Variants in GPA33 observed in about 807,000 individuals in gnomAD.
GPA33 encodes the protein cell surface A33 antigen.
In GPA33, 27 loss-of-function variants were observed where a neutral mutation model predicts 35.6. The ratio of observed to expected loss-of-function variants is 0.76; its 90% confidence interval spans 0.56 to 1.04. The LOEUF is 1.04. Among genes scored for constraint, GPA33 ranks in the 50% least tolerant of loss-of-function variants. The probability of loss-of-function intolerance (pLI) is 0.00; values close to 1 mark genes in which losing one functional copy is unlikely to be tolerated. For synonymous variants in GPA33, 176 were observed against 164.0 expected (o/e 1.07, Z -0.56); for missense variants, 428 against 411.9 (o/e 1.04, Z -0.34).
At chr1:167,082,273 T>A (rs1666965143) in intron 1 of GPA33, 1 of 456,158 alleles carries the variant, frequency 2.2e-6, no homozygotes, top group African/African-American at 2.0e-5. Flanking sequence ...TGGGGCAATC[T>A]GAGATTTCTT....
intron 4 of GPA33, among the ~76,000 whole-genome samples, chr1:167,058,097 G>A (rs899853412): frequency 6.6e-6 from 1 of 152,186 alleles, no homozygotes; most frequent in Admixed American, 6.6e-5. Flanking sequence ...TACTTGGGAG[G>A]CTGAGGCAAA....
At chr1:167,088,385 A>G (rs1667095160) in intron 1 of GPA33, among the ~76,000 whole-genome samples, 1 of 152,166 alleles carries the variant, frequency 6.6e-6, no homozygotes, top group African/African-American at 2.4e-5. Flanking sequence ...AACTCTGTTT[A>G]TATACCTCAA....
rs966589715 is a variant in GPA33 at position 167,055,602 on chromosome 1, T to C, written c.691+128A>G. The stretch of plus-strand genomic sequence containing the variant: ...GTCATCCTGCCTAGGTCACCACAGC[T>C]AACCTGCAGGTGCGTGGCCCTAGAG... On this transcript the variant is annotated intron_variant, in intron 5 of 6. Coordinates refer to ENST00000367868, the MANE Select transcript of GPA33 (RefSeq NM_005814.3). 11 of 1,006,704 alleles carry C rather than the reference T, an allele frequency of 1.1e-5. No individual in the cohort carries two copies. In the African/African-American group the frequency reaches 1.7e-4, roughly 16 times the overall value. The allele number at this position is 1,006,704 out of a possible 1,614,324, so 62.4% of individuals were successfully genotyped here. A position where few individuals can be genotyped will look rare whatever the true frequency, so the allele number is the denominator to read the frequency against.
Position 167,054,061 on chromosome 1 carries a change from GGC to G in GPA33, c.*271_*272del. The G allele has an allele frequency of 2.2e-6, 1 of 459,218 alleles. No individual in the cohort carries two copies. The highest frequency in any genetic ancestry group is 2.0e-5 in the African/African-American group (1 of 50,460). The allele number at this position is 459,218 out of a possible 1,614,324, so 28.4% of individuals were successfully genotyped here. A position where few individuals can be genotyped will look rare whatever the true frequency, so the allele number is the denominator to read the frequency against. ...TCCTGCCAACTACGAGGGAAGTGGA[GGC>G]TGCAGCCTGGTCTTGAGTGAGGGCC... On this transcript the variant is annotated 3_prime_UTR_variant, in exon 7 of 7. Transcript: ENST00000367868.
At chr1:167,079,311 G>A (rs950481027) in intron 1 of GPA33, among the ~76,000 whole-genome samples, 4 of 151,980 alleles carry the variant, frequency 2.6e-5, no homozygotes, top group Non-Finnish European at 5.9e-5. Context: ...TGAGTAACAA[G>A]GTGAAACCCT....
At chr1:167,080,810 T>A (rs542529399) in intron 1 of GPA33, among the ~76,000 whole-genome samples, 18 of 152,236 alleles carry the variant, frequency 1.2e-4, no homozygotes, top group Non-Finnish European at 2.4e-4. Context: ...TCCCTAGAGC[T>A]CGGCAAAGTG....
chr1:167,069,173 C>A, intron 2 of GPA33, 35 bp from the exon 3 acceptor site: 1 of 1,478,514 alleles, frequency 6.8e-7, no homozygotes, highest in Non-Finnish European at 9.4e-7. Flanking sequence ...GGTCTTCACC[C>A]AAAGGCCCTT....
chr1:167,076,748 T>C (rs1407148264), intron 1 of GPA33, among the ~76,000 whole-genome samples: 1 of 152,202 alleles, frequency 6.6e-6, no homozygotes, highest in Non-Finnish European at 1.5e-5. Context: ...GGCATTTGCA[T>C]ATTTTCCTCA....
Position 167,053,998 on chromosome 1 carries a change from T to G in GPA33, c.*336A>C. On this transcript the variant is annotated 3_prime_UTR_variant, in exon 7 of 7. Coordinates refer to ENST00000367868, the MANE Select transcript of GPA33 (RefSeq NM_005814.3). ...CATCGCCTCCCTGGAGAGTTCTGAG[T>G]GGGAGCGCCCCATGCTCAGCGCTGT... The G allele has an allele frequency of 3.3e-6, 1 of 306,168 alleles. No homozygotes were observed. The highest frequency in any genetic ancestry group is 6.1e-6 in the Non-Finnish European group (1 of 162,848). The allele number at this position is 306,168 out of a possible 1,614,324, so 19.0% of individuals were successfully genotyped here. A position where few individuals can be genotyped will look rare whatever the true frequency, so the allele number is the denominator to read the frequency against.
intron 4 of GPA33, among the ~76,000 whole-genome samples, chr1:167,056,577 C>T (rs1421378102): frequency 0.028 from 48 of 1,718 alleles, no homozygotes; most frequent in Non-Finnish European, 0.056. Context: ...GTGTGTGTGG[C>T]ATATGTGTGG....
intron 1 of GPA33, among the ~76,000 whole-genome samples, chr1:167,074,793 G>T (rs1666788328): frequency 2.0e-5 from 3 of 150,788 alleles, no homozygotes; most frequent in Admixed American, 2.0e-4. Context: ...GGGGGTGGGG[G>T]TGGTCTCAGA....
intron 4 of GPA33, among the ~76,000 whole-genome samples, chr1:167,060,892 C>G (rs921584395): frequency 5.9e-5 from 9 of 152,344 alleles, no homozygotes; most frequent in African/African-American, 2.2e-4. Context: ...CCACACCAGA[C>G]AGTCATGATT....
rs1420485572 is a variant in GPA33 at position 167,054,370 on chromosome 1, G to T, written c.924C>A (p.Ser308Arg). 6.2e-7 allele frequency: 1 copy of T among 1,614,114 alleles called. No individual in the cohort carries two copies. The highest frequency in any genetic ancestry group is 1.1e-5 in the South Asian group (1 of 91,088). ...EDDYRQEEQR[S>R]TGRESPDHLD... Reference sequence around the variant, plus strand: ...GGTGGTCCGGGGATTCACGCCCAGTGCTCCTCTGCTCTTCTTGCCTGTAGT... The same window carrying T: ...GGTGGTCCGGGGATTCACGCCCAGTTCTCCTCTGCTCTTCTTGCCTGTAGT... Residue 308 changes from serine (S) to arginine (R), a missense_variant, in exon 7 of 7, where the codon AGC becomes AGA. Ser to Arg is a moderately radical substitution (Grantham distance 110). Coordinates refer to ENST00000367868, the MANE Select transcript of GPA33 (RefSeq NM_005814.3).
Position 167,073,551 on chromosome 1 carries a change from G to C in GPA33, c.44-12C>G. 3 of 1,612,082 alleles carry C rather than the reference G, an allele frequency of 1.9e-6. No individual in the cohort carries two copies. The highest frequency in any genetic ancestry group is 2.5e-6 in the Non-Finnish European group (3 of 1,178,796). ...GACGGTCACCCTGACTGGAAAGAAA[G>C]TAGGCAGTGGAAGGGAAAAGTAAGC... On this transcript the variant is annotated splice_polypyrimidine_tract_variant and intron_variant, in intron 1 of 6. Transcript: ENST00000367868.
At chr1:167,083,454 C>G (rs1051172254) in intron 1 of GPA33, among the ~76,000 whole-genome samples, 46 of 152,230 alleles carry the variant, frequency 3.0e-4, no homozygotes, top group African/African-American at 1.1e-3. Flanking sequence ...TCACTAACAC[C>G]TATCCAGCAA....
At chr1:167,074,775 A>G (rs1417474862) in intron 1 of GPA33, among the ~76,000 whole-genome samples, 2 of 151,496 alleles carry the variant, frequency 1.3e-5, no homozygotes, top group Non-Finnish European at 2.9e-5. Flanking sequence ...ATGAAATGGA[A>G]AAGTTGTGGG....
intron 1 of GPA33, among the ~76,000 whole-genome samples, chr1:167,087,064 G>A (rs1418874561): frequency 6.6e-6 from 1 of 152,054 alleles, no homozygotes; most frequent in Non-Finnish European, 1.5e-5. Flanking sequence ...AAAAAATCCT[G>A]GAATGGAAGT....
rs1378846841 is a variant in GPA33 at position 167,057,996 on chromosome 1, C to CACTT, written c.572-2148_572-2147insAAGT. Among the ~76,000 whole-genome samples the CACTT allele has an allele frequency of 3.9e-5, 6 of 152,262 alleles. No individual in the cohort carries two copies. In the East Asian group the frequency reaches 1.2e-3, roughly 29 times the overall value. On this transcript the variant is annotated intron_variant, in intron 4 of 6. Transcript: ENST00000367868. ...GGCAGATCACTTGAGGTCAGGAGTTCGAGACCAGCCTGACTAACACAGTGA... is the reference window on the plus strand; with the variant it reads ...GGCAGATCACTTGAGGTCAGGAGTTCACTTGAGACCAGCCTGACTAACACAGTGA...
intron 3 of GPA33, among the ~76,000 whole-genome samples, chr1:167,063,968 G>A (rs1381997871): frequency 2.0e-5 from 3 of 152,164 alleles, no homozygotes; most frequent in East Asian, 1.9e-4. Context: ...GAAGCATTGC[G>A]GGCCTGCAGT....
Sources: gnomAD v4.1 joint callset for allele counts (sites outside exome capture counted in the v4.1 genomes callset) on GRCh38, gnomAD v4.1.1 for gene constraint, MANE v1.5 for transcripts, NCBI Gene and HGNC (gene_info 2026-07-23, HGNC 2026-07-21) for gene names.